FAM169A: variants seen among roughly 807,000 people sequenced by gnomAD.
FAM169A encodes the protein soluble lamin-associated protein of 75 kDa.
Under a neutral mutation model 75.7 loss-of-function variants are expected in FAM169A, and 24 were observed. The observed-to-expected ratio is 0.32, with a 90% CI of 0.23 to 0.45. FAM169A has a LOEUF of 0.45. Among genes scored for constraint, FAM169A ranks in the 20% least tolerant of loss-of-function variants. The probability of loss-of-function intolerance (pLI) is 1.00; values close to 1 mark genes in which losing one functional copy is unlikely to be tolerated. For synonymous variants in FAM169A, 271 were observed against 271.0 expected, an observed-to-expected ratio of 1.00 and a Z score of 0.00; for missense variants, 673 against 784.0, an observed-to-expected ratio of 0.86 and a Z score of 1.69.
In FAM169A at chr5:74,795,905, T is replaced by C. The variant is rs1746247599; in HGVS notation, c.1260+125A>G. The C allele has an allele frequency of 7.3e-6, 7 of 960,016 alleles. No homozygotes were observed. The Middle Eastern group carries it at 1.1e-3, about 153-fold the overall frequency. The allele number at this position is 960,016 out of a possible 1,614,324, so 59.5% of individuals were successfully genotyped here. ...CCTGACCTTGCTTAATATATATGATTTTTAACACTAAACGCAATTTCTAAC... is the reference window on the plus strand; with the variant it reads ...CCTGACCTTGCTTAATATATATGATCTTTAACACTAAACGCAATTTCTAAC... On this transcript the variant is annotated intron_variant, in intron 11 of 12. Coordinates refer to ENST00000687041, the MANE Select transcript of FAM169A (RefSeq NM_001376049.1).
intron 5 of FAM169A, among the ~76,000 whole-genome samples, chr5:74,821,190 T>C (rs1431424594): frequency 6.6e-6 from 1 of 152,216 alleles, no homozygotes; most frequent in Non-Finnish European, 1.5e-5. Context: ...ACAGAGCTTA[T>C]AAAATATCTA....
intron 1 of FAM169A, among the ~76,000 whole-genome samples, chr5:74,853,278 GATA>G (rs1398946140): frequency 6.6e-6 from 1 of 152,196 alleles, no homozygotes; most frequent in African/African-American, 2.4e-5. Context: ...ATTTTCTGAT[GATA>G]ATAACAAGAG....
intron 5 of FAM169A, among the ~76,000 whole-genome samples, chr5:74,818,532 G>C (rs978016924): frequency 6.6e-6 from 1 of 151,932 alleles, no homozygotes; most frequent in African/African-American, 2.4e-5. Flanking sequence ...AATTATAACC[G>C]GATGAATCTC....
chr5:74,833,191 C>CA (rs1407481527), intron 5 of FAM169A, among the ~76,000 whole-genome samples: 1 of 152,076 alleles, frequency 6.6e-6, no homozygotes, highest in African/African-American at 2.4e-5. Context: ...GTATTAGAAA[C>CA]AAAAAGCCTC....
At chr5:74,816,507 C>G (rs906621290) in intron 5 of FAM169A, among the ~76,000 whole-genome samples, 1 of 152,150 alleles carries the variant, frequency 6.6e-6, no homozygotes, top group Non-Finnish European at 1.5e-5. Flanking sequence ...CTACTTTTTA[C>G]TTGCCATGTA....
At chr5:74,784,608 A>C (rs1250595545) in intron 11 of FAM169A, among the ~76,000 whole-genome samples, 5 of 768 alleles carry the variant, frequency 6.5e-3, no homozygotes, top group African/African-American at 0.013. Flanking sequence ...AACCCAGGCT[A>C]AAAAAAAAAA....
chr5:74,794,830 C>G (rs1746184435), intron 11 of FAM169A, among the ~76,000 whole-genome samples: 1 of 151,062 alleles, frequency 6.6e-6, no homozygotes, highest in Non-Finnish European at 1.5e-5. Flanking sequence ...GTTGGTGTAC[C>G]TGTAATCCTA....
rs754400392 is a variant in FAM169A at position 74,796,124 on chromosome 5, T to C, written c.1166A>G (p.Gln389Arg). 2.2e-5 allele frequency: 35 copies of C among 1,614,030 alleles called. No individual in the cohort carries two copies. The highest frequency in any genetic ancestry group is 2.9e-5 in the Non-Finnish European group (34 of 1,179,998). ...SEEFLEEEPE[Q>R]RGIEFEDESS... Reference sequence around the variant, plus strand: ...TTCATCCTCAAATTCAATCCCTCTCTGTTCAGGTTCTTCTTCCAGGAATTC... The same window carrying C: ...TTCATCCTCAAATTCAATCCCTCTCCGTTCAGGTTCTTCTTCCAGGAATTC... The change falls in exon 11 of 13, where the codon CAG (glutamine) becomes CGG (arginine). Residue 389 changes from glutamine to arginine, a missense_variant. Transcript: ENST00000687041.
intron 1 of FAM169A, among the ~76,000 whole-genome samples, chr5:74,859,287 CT>C (rs1020109342): frequency 1.8e-3 from 228 of 129,068 alleles, no homozygotes; most frequent in East Asian, 6.9e-3. Context: ...AAGGTTTTCT[CT>C]TTTTTTTTTT....
chr5:74,865,630 G>A (rs1322517573), intron 1 of FAM169A: 2 of 152,434 alleles, frequency 1.3e-5, no homozygotes, highest in Admixed American at 1.3e-4. Flanking sequence ...CATTCCAGAG[G>A]AGGGAGAATC....
Position 74,779,610 on chromosome 5 carries a change from T to C in FAM169A, c.*1850A>G, listed in dbSNP as rs1028684241. 5 of 151,756 alleles carry C rather than the reference T, an allele frequency of 3.3e-5. No individual in the cohort carries two copies. Among genetic ancestry groups the C allele is most frequent in the Non-Finnish European group, 2.9e-5 (2 of 67,978 alleles). 9.4% of individuals were successfully genotyped at this position (151,756 alleles called of 1,614,324 possible). On this transcript the variant is annotated 3_prime_UTR_variant, in exon 13 of 13. Transcript: ENST00000687041. ...CATAAATGTTTGGTAGATTCACTAA[T>C]AGTAGTCATACTTTTTTTTTTTTAC...
Position 74,805,144 on chromosome 5 carries a change from A to G in FAM169A, c.799+12T>C. On this transcript the variant is annotated intron_variant, in intron 7 of 12. Coordinates refer to ENST00000687041, the MANE Select transcript of FAM169A (RefSeq NM_001376049.1). ...TAAACTGAACTTATGTTCAAACTGA[A>G]AACACTCTTACCTAGAATTTTAAGT... 1 of 1,612,236 alleles carries G rather than the reference A, an allele frequency of 6.2e-7. No individual in the cohort carries two copies. Among genetic ancestry groups the G allele is most frequent in the Non-Finnish European group, 8.5e-7 (1 of 1,178,900 alleles).
At chr5:74,788,905 G>A (rs1006904144) in intron 11 of FAM169A, among the ~76,000 whole-genome samples, 1 of 152,158 alleles carries the variant, frequency 6.6e-6, no homozygotes, top group Non-Finnish European at 1.5e-5. Flanking sequence ...TAACCAAGTG[G>A]TGACTCCAAT....
At chr5:74,786,123 G>A (rs1461809529) in intron 11 of FAM169A, among the ~76,000 whole-genome samples, 1 of 152,144 alleles carries the variant, frequency 6.6e-6, no homozygotes, top group Non-Finnish European at 1.5e-5. Context: ...TCCTGTGCTG[G>A]ATGATTCCTG....
intron 5 of FAM169A, among the ~76,000 whole-genome samples, chr5:74,817,965 G>T (rs1438963259): frequency 5.9e-5 from 9 of 152,134 alleles, no homozygotes; most frequent in Non-Finnish European, 1.2e-4. Flanking sequence ...GCAAAATAAT[G>T]ATGTCAGGTA....
At chr5:74,804,054 A>G (rs747940272) in intron 8 of FAM169A, among the ~76,000 whole-genome samples, 12 of 152,160 alleles carry the variant, frequency 7.9e-5, no homozygotes, top group African/African-American at 1.2e-4. Context: ...TAATGATTTA[A>G]TGCCATAGAA....
At chr5:74,833,490 G>T (rs1349152384) in intron 5 of FAM169A, among the ~76,000 whole-genome samples, 1 of 151,996 alleles carries the variant, frequency 6.6e-6, no homozygotes, top group Non-Finnish European at 1.5e-5. Flanking sequence ...TTTTATTCTT[G>T]GGAAAAAATG....
At chr5:74,801,294 T>C (rs1329688552) in intron 9 of FAM169A, among the ~76,000 whole-genome samples, 3 of 152,246 alleles carry the variant, frequency 2.0e-5, no homozygotes, top group Non-Finnish European at 2.9e-5. Flanking sequence ...CAAAGTGTTT[T>C]TGTATTTCAC....
Position 74,866,203 on chromosome 5 carries a change from AAGG to A in FAM169A, c.-45_-43del, listed in dbSNP as rs1475592327. Reference sequence around the variant, plus strand: ...CGGGAGCCGCTGGAAGAGCCCGGGAAAGGAGGCGGAGCCGCGCGAATGAATGGA... The same window carrying A: ...CGGGAGCCGCTGGAAGAGCCCGGGAAAGGCGGAGCCGCGCGAATGAATGGA... On this transcript the variant is annotated 5_prime_UTR_variant, in exon 1 of 13. Transcript: ENST00000687041. 1.0e-6 allele frequency: 1 copy of A among 984,090 alleles called. No individual in the cohort carries two copies. The highest frequency in any genetic ancestry group is 1.2e-6 in the Non-Finnish European group (1 of 829,526). The allele number at this position is 984,090 out of a possible 1,614,324, so 61.0% of individuals were successfully genotyped here.
Sources: gnomAD v4.1 joint callset for allele counts (sites outside exome capture counted in the v4.1 genomes callset) on GRCh38, gnomAD v4.1.1 for gene constraint, MANE v1.5 for transcripts, NCBI Gene and HGNC (gene_info 2026-07-23, HGNC 2026-07-21) for gene names.